Variants in NSD1 observed in about 807,000 individuals in gnomAD.
NSD1 encodes the protein nuclear receptor binding SET domain protein 1.
NSD1 carries 26 observed loss-of-function variants against 242.7 expected under a neutral mutation model. The ratio of observed to expected loss-of-function variants is 0.11; its 90% CI spans 0.08 to 0.15. The LOEUF is 0.15. Among genes scored for constraint, NSD1 ranks in the 10% least tolerant of loss-of-function variants. The pLI is 1.00. For missense variants in NSD1, 2,495 were observed against 3,272.8 expected (o/e 0.76, Z 5.80); for synonymous variants, 1,106 against 1,178.1 (o/e 0.94, Z 1.25).
At chr5:177,285,343 C>T (rs1759220772) in intron 20 of NSD1, among the ~76,000 whole-genome samples, 1 of 151,920 alleles carries the variant, frequency 6.6e-6, no homozygotes, top group Admixed American at 6.6e-5. Flanking sequence ...ACGGGCAGAT[C>T]ACGAGGTCAG....
At chr5:177,233,537 A>ATTTTT (rs56908682) in intron 5 of NSD1, among the ~76,000 whole-genome samples, 9 of 126,388 alleles carry the variant, frequency 7.1e-5, no homozygotes, top group East Asian at 4.6e-4. Context: ...CCTGGCTAGT[A>ATTTTT]TTTTTTTTTT....
intron 8 of NSD1, among the ~76,000 whole-genome samples, chr5:177,243,505 T>C (rs1461052380): frequency 6.6e-6 from 1 of 152,140 alleles, no homozygotes; most frequent in African/African-American, 2.4e-5. Context: ...GCCATGAAGA[T>C]GGATTTTAAG....
intron 2 of NSD1, among the ~76,000 whole-genome samples, chr5:177,189,833 T>G (rs1161875643): frequency 6.6e-6 from 1 of 152,220 alleles, no homozygotes; most frequent in Non-Finnish European, 1.5e-5. Flanking sequence ...CTACTCAGAT[T>G]GCAGTTTTCA....
At chr5:177,141,943 C>T (rs560001040) in intron 2 of NSD1, among the ~76,000 whole-genome samples, 3 of 151,938 alleles carry the variant, frequency 2.0e-5, no homozygotes, top group Admixed American at 6.6e-5. Flanking sequence ...AAGTGATTCT[C>T]CTGCCTCAGC....
intron 19 of NSD1, among the ~76,000 whole-genome samples, chr5:177,282,828 T>TTGA (rs1402792878): frequency 6.6e-6 from 1 of 152,220 alleles, no homozygotes; most frequent in Non-Finnish European, 1.5e-5. Context: ...GCTTATATCT[T>TTGA]TGAGTATTTT....
chr5:177,152,325 GTATGTATGTATGTATGTA>G (rs1562122236), intron 2 of NSD1, among the ~76,000 whole-genome samples: 1 of 142,374 alleles, frequency 7.0e-6, no homozygotes, highest in African/African-American at 2.6e-5. Flanking sequence ...GTGTGTGTAT[GTATGTATGTATGTATGTA>G]TGTATGTATG....
At chr5:177,182,242 A>G (rs1760753091) in intron 2 of NSD1, among the ~76,000 whole-genome samples, 1 of 152,090 alleles carries the variant, frequency 6.6e-6, no homozygotes. Flanking sequence ...GCTGGAACCC[A>G]GGAGGCAGAG....
intron 2 of NSD1, among the ~76,000 whole-genome samples, chr5:177,182,405 C>T (rs1460476019): frequency 6.6e-6 from 1 of 152,166 alleles, no homozygotes. Flanking sequence ...GCAAGACCCT[C>T]CATCAGCATA....
intron 3 of NSD1, among the ~76,000 whole-genome samples, chr5:177,196,846 G>GT (rs1449359194): frequency 1.3e-5 from 2 of 152,212 alleles, no homozygotes; most frequent in Non-Finnish European, 2.9e-5. Flanking sequence ...TGTGGCTAGA[G>GT]TACAGTAGTA....
intron 21 of NSD1, among the ~76,000 whole-genome samples, chr5:177,290,326 A>G (rs957623710): frequency 1.3e-5 from 2 of 151,728 alleles, no homozygotes; most frequent in Non-Finnish European, 2.9e-5. Flanking sequence ...TATGTTCCAT[A>G]TGCCTTTTTG....
chr5:177,176,133 C>T (rs1268463795), intron 2 of NSD1, among the ~76,000 whole-genome samples: 1 of 152,232 alleles, frequency 6.6e-6, no homozygotes. Context: ...GCCTCGGCCT[C>T]CCAAAGTGCT....
At chr5:177,257,225 T>C in intron 13 of NSD1, 74 bp downstream of exon 13, 1 of 1,182,976 alleles carries the variant, frequency 8.5e-7, no homozygotes, top group Non-Finnish European at 1.2e-6. Context: ...TTCTTTTTTC[T>C]TTCTTTTTTT....
At chr5:177,265,487 G>A (rs1331892422) in intron 14 of NSD1, 3 of 642,348 alleles carry the variant, frequency 4.7e-6, no homozygotes, top group Non-Finnish European at 8.2e-6. Flanking sequence ...GGGGGAGGGA[G>A]GGAGAGAGAG....
At chr5:177,270,123 G>C (rs1354595414) in intron 16 of NSD1, among the ~76,000 whole-genome samples, 1 of 151,882 alleles carries the variant, frequency 6.6e-6, no homozygotes, top group East Asian at 1.9e-4. Flanking sequence ...CAGAGGCTCA[G>C]ATCTCTAGCA....
chr5:177,143,479 G>T (rs534843625), intron 2 of NSD1, among the ~76,000 whole-genome samples: 1 of 151,982 alleles, frequency 6.6e-6, no homozygotes, highest in Non-Finnish European at 1.5e-5. Context: ...ATGCCACCAC[G>T]CCTGGCTAAT....
chr5:177,200,729 A>G (rs1048718928), intron 3 of NSD1, among the ~76,000 whole-genome samples: 1 of 151,934 alleles, frequency 6.6e-6, no homozygotes, highest in Non-Finnish European at 1.5e-5. Context: ...ATGTTTCTGA[A>G]TTTCTTTCTC....
Position 177,135,703 on chromosome 5 carries a change from G to A in NSD1, c.600G>A (p.Glu200=). The change falls in exon 2 of 23, where the codon GAG becomes GAA. Residue 200 remains glutamate, a synonymous_variant. Transcript: ENST00000439151. The part of the protein sequence containing the change: ...NATCNYETKS[E]NGVKVAMGSE... ...CCTGCAATTATGAGACTAAATCAGA[G>A]AATGGTGTAAAAGTGGCCATGGGAA... 2 of 1,614,218 alleles carry A rather than the reference G, an allele frequency of 1.2e-6. No homozygotes were observed. The highest frequency in any genetic ancestry group is 1.7e-6 in the Non-Finnish European group (2 of 1,180,046).
chr5:177,136,617 T>C (rs1233213818), intron 2 of NSD1, among the ~76,000 whole-genome samples: 1 of 151,982 alleles, frequency 6.6e-6, no homozygotes, highest in Non-Finnish European at 1.5e-5. Context: ...TTTTTTTTTT[T>C]TTTGAGGTGG....
At chr5:177,278,159 A>G (rs1294680520) in intron 17 of NSD1, among the ~76,000 whole-genome samples, 1 of 152,196 alleles carries the variant, frequency 6.6e-6, no homozygotes, top group Non-Finnish European at 1.5e-5. Flanking sequence ...TGAGACCTAC[A>G]TCCATTTTCC....
Sources: allele counts gnomAD v4.1 joint callset (sites outside exome capture counted in the v4.1 genomes callset), GRCh38; gene constraint gnomAD v4.1.1; transcripts MANE v1.5; gene names NCBI Gene and HGNC (gene_info 2026-07-23, HGNC 2026-07-21).